The following NTM variants were observed in gnomAD, a reference collection of about 807,000 sequenced individuals.
The protein encoded by NTM is IgLON family member 2.
NTM carries 13 observed loss-of-function variants against 42.1 expected under a neutral mutation model. The ratio of observed to expected loss-of-function variants is 0.31; its 90% CI spans 0.20 to 0.49. NTM has a LOEUF of 0.49. NTM is among the 20% of genes least tolerant of loss of function. NTM has a pLI of 0.99. For synonymous variants in NTM, 187 were observed against 179.2 expected, an observed-to-expected ratio of 1.04 and a Z score of -0.35; for missense variants, 373 against 452.8, an observed-to-expected ratio of 0.82 and a Z score of 1.60.
chr11:131,790,853 G>T (rs988658047), intron 1 of NTM, among the ~76,000 whole-genome samples: 3 of 152,110 alleles, frequency 2.0e-5, no homozygotes, highest in Admixed American at 1.3e-4. Flanking sequence ...TTGCAAGTAA[G>T]GAGAAAAGAG....
rs541742213 is a variant in NTM at position 131,873,698 on chromosome 11, T to C, written c.83-37866T>C. ...ATATACACACATATATATACACACA[T>C]ATATATATATACACACACACACTTT... On this transcript the variant is annotated intron_variant, in intron 1 of 8. Transcript: ENST00000683400. 2.4e-4 allele frequency among the ~76,000 whole-genome samples: 31 copies of C among 131,646 alleles called. No individual in the cohort carries two copies. The East Asian group carries it at 3.0e-3, about 13-fold the overall frequency. The allele number at this position is 131,646 out of a possible 152,430, so 86.4% of individuals were successfully genotyped here.
intron 2 of NTM, among the ~76,000 whole-genome samples, chr11:132,044,586 G>A (rs1018004300): frequency 6.6e-6 from 1 of 152,044 alleles, no homozygotes; most frequent in African/African-American, 2.4e-5. Flanking sequence ...CGACAACTGA[G>A]GGAAGCAACA....
intron 4 of NTM, among the ~76,000 whole-genome samples, chr11:132,245,365 G>T (rs916675651): frequency 3.9e-5 from 6 of 152,142 alleles, no homozygotes; most frequent in Admixed American, 1.3e-4. Flanking sequence ...CAAGTGCAGA[G>T]TAGAGAAGTG....
intron 1 of NTM, among the ~76,000 whole-genome samples, chr11:131,517,730 C>G (rs931824634): frequency 2.0e-5 from 3 of 152,186 alleles, no homozygotes; most frequent in Admixed American, 6.5e-5. Flanking sequence ...TACAAGATTC[C>G]TGTACCTGTA....
At chr11:131,939,294 G>A (rs504650) in intron 2 of NTM, among the ~76,000 whole-genome samples, 122,500 of 152,060 alleles carry the variant, frequency 0.81, 49,595 homozygotes, top group East Asian at 0.94. Flanking sequence ...GACAGTGACC[G>A]ATTTTGTGGA....
intron 1 of NTM, among the ~76,000 whole-genome samples, chr11:131,646,100 G>T (rs1268628638): frequency 6.6e-6 from 1 of 152,190 alleles, no homozygotes; most frequent in Non-Finnish European, 1.5e-5. Flanking sequence ...AGGCTTCAAG[G>T]GCAAATACGC....
At chr11:132,233,476 G>C (rs576167749) in intron 4 of NTM, among the ~76,000 whole-genome samples, 4 of 152,296 alleles carry the variant, frequency 2.6e-5, no homozygotes, top group African/African-American at 9.6e-5. Context: ...AAGGCAGGTA[G>C]GTTTACGAAT....
At chr11:131,963,960 T>C (rs2062521880) in intron 2 of NTM, among the ~76,000 whole-genome samples, 1 of 152,238 alleles carries the variant, frequency 6.6e-6, no homozygotes, top group African/African-American at 2.4e-5. Context: ...TCTGTCTTAG[T>C]ATAACTAAGT....
intron 4 of NTM, among the ~76,000 whole-genome samples, chr11:132,257,290 G>C (rs2092560071): frequency 6.6e-6 from 1 of 152,218 alleles, no homozygotes; most frequent in African/African-American, 2.4e-5. Context: ...ATAATAAAAG[G>C]AGAACTTGTG....
intron 1 of NTM, among the ~76,000 whole-genome samples, chr11:131,443,242 G>C (rs1259959416): frequency 6.6e-6 from 1 of 152,014 alleles, no homozygotes; most frequent in African/African-American, 2.4e-5. Context: ...GAAGGGAAAT[G>C]GGTTGAAAAT....
intron 1 of NTM, among the ~76,000 whole-genome samples, chr11:131,849,906 G>C (rs934818770): frequency 1.3e-4 from 20 of 151,188 alleles, no homozygotes; most frequent in Non-Finnish European, 1.8e-4. Flanking sequence ...CACCAACATG[G>C]CACATGTATA....
chr11:131,985,126 G>A (rs1237614672), intron 2 of NTM, among the ~76,000 whole-genome samples: 1 of 152,102 alleles, frequency 6.6e-6, no homozygotes, highest in East Asian at 1.9e-4. Flanking sequence ...CATCTCTTGT[G>A]ATCATCGGTG....
rs371624417 is a variant in NTM at position 131,402,407 on chromosome 11, A to C, written c.82+31519A>C. Reference sequence around the variant, plus strand: ...AGAAAACTAAGTCATAAAAAAAAAAAAACAAATATTGGAGAATCCTGCTTG... The same window carrying C: ...AGAAAACTAAGTCATAAAAAAAAAACAACAAATATTGGAGAATCCTGCTTG... On this transcript the variant is annotated intron_variant, in intron 1 of 8. Transcript: ENST00000683400. Among the ~76,000 whole-genome samples the C allele has an allele frequency of 4.2e-3, 645 of 152,234 alleles. 5 individuals carry two copies. The highest frequency in any genetic ancestry group is 0.015 in the African/African-American group (615 of 41,546).
At chr11:131,778,198 A>G (rs1369543972) in intron 1 of NTM, among the ~76,000 whole-genome samples, 2 of 152,186 alleles carry the variant, frequency 1.3e-5, no homozygotes, top group Middle Eastern at 3.2e-3. Flanking sequence ...GAAACATGCA[A>G]CCTCTACATG....
At chr11:131,592,957 T>A (rs553627934) in intron 1 of NTM, among the ~76,000 whole-genome samples, 2 of 152,186 alleles carry the variant, frequency 1.3e-5, no homozygotes, top group East Asian at 1.9e-4. Context: ...TTGTTTACAA[T>A]GCATTGTAAT....
At chr11:131,900,828 A>C (rs1006103999) in intron 1 of NTM, among the ~76,000 whole-genome samples, 5 of 152,212 alleles carry the variant, frequency 3.3e-5, no homozygotes, top group African/African-American at 1.2e-4. Flanking sequence ...TTTATGGAAC[A>C]ATTTTGAGTA....
chr11:132,292,070 A>G (rs1295737541), intron 4 of NTM, among the ~76,000 whole-genome samples: 1 of 152,242 alleles, frequency 6.6e-6, no homozygotes, highest in African/African-American at 2.4e-5. Flanking sequence ...AAAATGATCC[A>G]GTACAGCAAA....
At chr11:131,919,844 T>A (rs1245692704) in intron 2 of NTM, among the ~76,000 whole-genome samples, 4 of 152,150 alleles carry the variant, frequency 2.6e-5, no homozygotes, top group Non-Finnish European at 5.9e-5. Context: ...TTGGCAGATA[T>A]ACCATGTCTT....
chr11:132,113,132 ACTAC>A (rs749692103), intron 2 of NTM, among the ~76,000 whole-genome samples: 55 of 152,310 alleles, frequency 3.6e-4, no homozygotes, highest in Admixed American at 7.8e-4. Flanking sequence ...CATCATGCAC[ACTAC>A]CTGATTGCTT....
Sources: gnomAD v4.1 joint callset for allele counts (sites outside exome capture counted in the v4.1 genomes callset) on GRCh38, gnomAD v4.1.1 for gene constraint, MANE v1.5 for transcripts, NCBI Gene and HGNC (gene_info 2026-07-23, HGNC 2026-07-21) for gene names.